GALK2: variants seen among roughly 807,000 people sequenced by gnomAD.
GALK2 encodes the protein galactokinase 2.
In GALK2, 36 loss-of-function variants were observed where a neutral mutation model predicts 52.4. The observed-to-expected ratio is 0.69, with a 90% CI of 0.53 to 0.91. The LOEUF is 0.91. GALK2 is among the 40% of genes least tolerant of loss of function. The pLI, the probability that GALK2 is intolerant of heterozygous loss-of-function variation, is 0.00. For missense variants in GALK2, 579 were observed against 559.1 expected (o/e 1.04, Z -0.36); for synonymous variants, 176 against 199.1 (o/e 0.88, Z 0.98).
intron 8 of GALK2, among the ~76,000 whole-genome samples, chr15:49,311,184 A>C (rs1440176648): frequency 5.3e-5 from 8 of 152,216 alleles, no homozygotes; most frequent in Non-Finnish European, 7.3e-5. Context: ...TTTAACCAGG[A>C]TTCAACAATA....
At chr15:49,337,297 A>T (rs985949903) in intron 3 of GALK2, among the ~76,000 whole-genome samples, 4 of 152,184 alleles carry the variant, frequency 2.6e-5, no homozygotes, top group Non-Finnish European at 5.9e-5. Flanking sequence ...GAACTAATTT[A>T]CGTTCCCACC....
intron 9 of GALK2, among the ~76,000 whole-genome samples, chr15:49,320,093 T>C (rs2036760618): frequency 6.6e-6 from 1 of 152,148 alleles, no homozygotes; most frequent in African/African-American, 2.4e-5. Flanking sequence ...ATTAGGCCTT[T>C]CAGGATGGTA....
At position 49,329,549 on chromosome 15, in the gene GALK2, C is replaced by T; in HGVS notation, c.*1390C>T. 2.0e-6 allele frequency: 2 copies of T among 984,962 alleles called. No homozygotes were observed. The allele number at this position is 984,962 out of a possible 1,614,324, so 61.0% of individuals were successfully genotyped here. On this transcript the variant is annotated 3_prime_UTR_variant, in exon 10 of 10. Transcript: ENST00000560031. ...GCTAGTTTTATTTCTTAAAGGATAA[C>T]AGTCATACATAGAATACTAGGAAAG...
intron 5 of GALK2, among the ~76,000 whole-genome samples, chr15:49,275,382 G>T (rs564521942): frequency 6.6e-6 from 1 of 152,264 alleles, no homozygotes; most frequent in South Asian, 2.1e-4. Context: ...TGGAAGACTT[G>T]TTCACCTAAA....
upstream of GALK2, among the ~76,000 whole-genome samples, chr15:49,169,818 C>T (rs558522653): frequency 9.2e-5 from 14 of 152,160 alleles, no homozygotes; most frequent in South Asian, 6.2e-4. Context: ...GGAAGTAATC[C>T]GCAAAGAAGC....
intron 5 of GALK2, among the ~76,000 whole-genome samples, chr15:49,273,426 G>A (rs929131839): frequency 3.9e-5 from 6 of 152,054 alleles, no homozygotes; most frequent in Non-Finnish European, 7.4e-5. Flanking sequence ...GGAATTGGCT[G>A]TCTTTGTCCT....
chr15:49,351,031 C>G (rs2042168651), intron 3 of GALK2, among the ~76,000 whole-genome samples: 2 of 152,210 alleles, frequency 1.3e-5, no homozygotes, highest in African/African-American at 4.8e-5. Context: ...CAGTGCATAA[C>G]CTACTCAACC....
intron 5 of GALK2, among the ~76,000 whole-genome samples, chr15:49,277,370 G>A (rs1432219969): frequency 2.9e-5 from 4 of 138,784 alleles, no homozygotes; most frequent in Admixed American, 7.1e-5. Flanking sequence ...GGGTTTCACC[G>A]TTTTAGCCGG....
intron 1 of GALK2, chr15:49,159,071 T>G (rs1033783386): frequency 1.3e-5 from 2 of 152,124 alleles, no homozygotes; most frequent in African/African-American, 4.8e-5. Context: ...ACCTCAACCT[T>G]CCAAAGCACT....
At chr15:49,360,264 G>T (rs897282328) in intron 3 of GALK2, among the ~76,000 whole-genome samples, 1 of 151,242 alleles carries the variant, frequency 6.6e-6, no homozygotes, top group African/African-American at 2.4e-5. Flanking sequence ...GTCTGTGTAT[G>T]CATGTGTGAT....
rs2089098082 is a variant in GALK2, at chr15:49,213,411, T to TA, written c.143-3778dup. ...AGAATGTGTAGGTTTGATACCTAGG[T>TA]ATACGTGTGCCATGGTGGTTTGCTG... On this transcript the variant is annotated intron_variant, in intron 2 of 9. Transcript: ENST00000560031. Among the ~76,000 whole-genome samples the TA allele has an allele frequency of 2.0e-5, 3 of 152,308 alleles. No homozygotes were observed. In the South Asian group the frequency reaches 6.2e-4, roughly 32 times the overall value.
chr15:49,355,803 T>A (rs1287530853), intron 3 of GALK2, among the ~76,000 whole-genome samples: 1 of 151,316 alleles, frequency 6.6e-6, no homozygotes, highest in Non-Finnish European at 1.5e-5. Flanking sequence ...TTCACCAAAG[T>A]TGAAATGAAG....
rs768569681 is a variant in GALK2 at position 49,308,402 on chromosome 15, T to C, written c.968-11202T>C. ...AACAGTGGGAAAATATTCTAGGGTATGAAAGTCTCAGAAAGATTAATTATA... is the reference window on the plus strand; with the variant it reads ...AACAGTGGGAAAATATTCTAGGGTACGAAAGTCTCAGAAAGATTAATTATA... On this transcript the variant is annotated intron_variant, in intron 8 of 9. Coordinates refer to ENST00000560031, the MANE Select transcript of GALK2 (RefSeq NM_002044.4). 5.3e-5 allele frequency among the ~76,000 whole-genome samples: 8 copies of C among 152,210 alleles called. No individual in the cohort carries two copies. The East Asian group carries it at 9.6e-4, about 18-fold the overall frequency.
At chr15:49,297,193 AT>A (rs1490140028) in intron 8 of GALK2, among the ~76,000 whole-genome samples, 2 of 152,100 alleles carry the variant, frequency 1.3e-5, no homozygotes, top group Non-Finnish European at 2.9e-5. Context: ...GATATTGAGC[AT>A]TTTTTATATG....
In GALK2 at chr15:49,276,438, C is replaced by T. The variant is rs545956812; in HGVS notation, c.505-5549C>T. ...CATTTTGATCTATCCATGAAGTTAG[C>T]TTCCAGTATGCTTCTTTTCTTTATG... is the stretch of plus-strand genomic sequence containing the variant. On this transcript the variant is annotated intron_variant, in intron 5 of 9. Coordinates refer to ENST00000560031, the MANE Select transcript of GALK2 (RefSeq NM_002044.4). 5.9e-5 allele frequency among the ~76,000 whole-genome samples: 9 copies of T among 152,274 alleles called. No individual in the cohort carries two copies. In the South Asian group the frequency reaches 1.9e-3, roughly 32 times the overall value.
In GALK2 at chr15:49,328,115, G is replaced by A. The variant is rs200728035; in HGVS notation, c.1333G>A (p.Ala445Thr). ...SLAPEKQSLF[A>T]TKPGGGALVL... is the part of the protein sequence containing the mutation. Reference sequence around the variant, plus strand: ...AGCACCGGAGAAGCAAAGTTTGTTTGCTACCAAACCTGGAGGTGGGGCTTT... The same window carrying A: ...AGCACCGGAGAAGCAAAGTTTGTTTACTACCAAACCTGGAGGTGGGGCTTT... Residue 445 changes from alanine to threonine, a missense_variant, in exon 10 of 10, where the codon GCT becomes ACT. Physicochemically the swap from Ala to Thr is moderately conservative, Grantham distance 58 (BLOSUM62 0). Transcript: ENST00000560031. 3 of 1,614,084 alleles carry A rather than the reference G, an allele frequency of 1.9e-6. No homozygotes were observed. Among genetic ancestry groups the A allele is most frequent in the East Asian group, 4.5e-5 (2 of 44,878 alleles).
chr15:49,293,407 T>G (rs769624613), intron 8 of GALK2, among the ~76,000 whole-genome samples: 1 of 152,252 alleles, frequency 6.6e-6, no homozygotes, highest in Non-Finnish European at 1.5e-5. Flanking sequence ...ATTGAGTCTT[T>G]AGAACCAGAA....
At chr15:49,219,368 C>G (rs1307863474) in intron 3 of GALK2, among the ~76,000 whole-genome samples, 1 of 152,184 alleles carries the variant, frequency 6.6e-6, no homozygotes, top group Non-Finnish European at 1.5e-5. Context: ...TAAGACGTGA[C>G]TTGCTCCTCC....
At chr15:49,296,137 T>G (rs985575774) in intron 8 of GALK2, among the ~76,000 whole-genome samples, 1 of 152,210 alleles carries the variant, frequency 6.6e-6, no homozygotes, top group Non-Finnish European at 1.5e-5. Context: ...TTCAACTTAA[T>G]TTTAGGTTCA....
Sources: gnomAD v4.1 joint callset for allele counts (sites outside exome capture counted in the v4.1 genomes callset) on GRCh38, gnomAD v4.1.1 for gene constraint, MANE v1.5 for transcripts, NCBI Gene and HGNC (gene_info 2026-07-23, HGNC 2026-07-21) for gene names.